Variants in MAPKAP1 observed in about 807,000 individuals in gnomAD.
The protein encoded by MAPKAP1 is MAPK associated protein 1, also known as target of rapamycin complex 2 subunit MAPKAP1.
MAPKAP1 carries 20 observed loss-of-function variants against 65.7 expected under a neutral mutation model. The observed-to-expected ratio is 0.30, with a 90% CI of 0.21 to 0.44. The LOEUF (loss-of-function observed/expected upper bound fraction) is 0.44, where lower values mean the gene tolerates loss of function less well. MAPKAP1 is among the 20% of genes least tolerant of loss of function. The pLI, the probability that MAPKAP1 is intolerant of heterozygous loss-of-function variation, is 1.00. For synonymous variants in MAPKAP1, 222 were observed against 244.3 expected, an observed-to-expected ratio of 0.91 and a Z score of 0.85; for missense variants, 423 against 648.0, an observed-to-expected ratio of 0.65 and a Z score of 3.77.
At chr9:125,612,630 A>C (rs1488901305) in intron 4 of MAPKAP1, among the ~76,000 whole-genome samples, 2 of 152,170 alleles carry the variant, frequency 1.3e-5, no homozygotes, top group Non-Finnish European at 2.9e-5. Context: ...CTTTATGTGA[A>C]TGAACTTATG....
At chr9:125,516,752 G>C (rs1829472875) in intron 7 of MAPKAP1, among the ~76,000 whole-genome samples, 2 of 152,200 alleles carry the variant, frequency 1.3e-5, no homozygotes. Context: ...GCGACTCTGG[G>C]CAAGTTAGTG....
chr9:125,537,076 C>T (rs1589266910), intron 7 of MAPKAP1, among the ~76,000 whole-genome samples: 2 of 152,242 alleles, frequency 1.3e-5, no homozygotes, highest in Admixed American at 1.3e-4. Context: ...AATTTGTTCT[C>T]CCATTAGGGT....
At chr9:125,693,721 G>GTATATACACACATATACACA (rs1835281504) in intron 1 of MAPKAP1, among the ~76,000 whole-genome samples, 2 of 58,920 alleles carry the variant, frequency 3.4e-5, no homozygotes, top group Admixed American at 1.7e-4. Context: ...ATATATACAC[G>GTATATACACACATATACACA]TATATACACA....
chr9:125,534,630 A>G (rs1830022593), intron 7 of MAPKAP1, among the ~76,000 whole-genome samples: 1 of 152,218 alleles, frequency 6.6e-6, no homozygotes, highest in Non-Finnish European at 1.5e-5. Context: ...ATTCATTTGT[A>G]CAATGCAGAT....
chr9:125,458,654 C>T (rs1589209823), intron 10 of MAPKAP1, among the ~76,000 whole-genome samples: 1 of 151,030 alleles, frequency 6.6e-6, no homozygotes. Context: ...ATTTCTCAAT[C>T]TTTTCCCCAC....
chr9:125,559,823 C>T lies in MAPKAP1; in HGVS notation c.672-14G>A. 6.2e-7 allele frequency: 1 copy of T among 1,600,602 alleles called. No individual in the cohort carries two copies. The highest frequency in any genetic ancestry group is 8.5e-7 in the Non-Finnish European group (1 of 1,172,238). On this transcript the variant is annotated splice_polypyrimidine_tract_variant and intron_variant, in intron 5 of 11. Coordinates refer to ENST00000265960, the MANE Select transcript of MAPKAP1 (RefSeq NM_001006617.3). ...CTGACATTGTCACTGAAAGGAAAACCAAAAAGGCGAGTGAATACCAAGGTA... is the reference window on the plus strand; with the variant it reads ...CTGACATTGTCACTGAAAGGAAAACTAAAAAGGCGAGTGAATACCAAGGTA...
intron 3 of MAPKAP1, among the ~76,000 whole-genome samples, chr9:125,663,066 A>T (rs1834234651): frequency 6.6e-6 from 1 of 152,160 alleles, no homozygotes; most frequent in Non-Finnish European, 1.5e-5. Flanking sequence ...TACAATAAAA[A>T]GTTTTTTTTT....
At chr9:125,704,859 A>G (rs1478795865) in intron 1 of MAPKAP1, among the ~76,000 whole-genome samples, 2 of 152,190 alleles carry the variant, frequency 1.3e-5, no homozygotes, top group Non-Finnish European at 1.5e-5. Flanking sequence ...CTTTATCCCC[A>G]TTAGTTCAAT....
chr9:125,511,580 C>T (rs1829302545), intron 7 of MAPKAP1, among the ~76,000 whole-genome samples: 1 of 152,148 alleles, frequency 6.6e-6, no homozygotes, highest in South Asian at 2.1e-4. Flanking sequence ...AGTACAGTCT[C>T]CATCAAATAC....
intron 5 of MAPKAP1, among the ~76,000 whole-genome samples, chr9:125,573,741 C>T (rs1001359912): frequency 2.0e-5 from 3 of 152,156 alleles, no homozygotes; most frequent in Non-Finnish European, 4.4e-5. Flanking sequence ...ATGCTTCCTC[C>T]AGCAATAAGG....
intron 10 of MAPKAP1, among the ~76,000 whole-genome samples, chr9:125,467,514 C>T (rs961678295): frequency 2.0e-5 from 3 of 152,176 alleles, no homozygotes; most frequent in Non-Finnish European, 4.4e-5. Context: ...CTGACACTTC[C>T]GGCATGATGG....
chr9:125,540,710 G>A (rs1830219108), intron 7 of MAPKAP1, among the ~76,000 whole-genome samples: 1 of 152,188 alleles, frequency 6.6e-6, no homozygotes, highest in South Asian at 2.1e-4. Context: ...CAGGATGACT[G>A]CCTCTAACCT....
intron 10 of MAPKAP1, among the ~76,000 whole-genome samples, chr9:125,462,035 A>C (rs1227464679): frequency 6.6e-6 from 1 of 152,248 alleles, no homozygotes; most frequent in Non-Finnish European, 1.5e-5. Flanking sequence ...CATCTCAAGA[A>C]TATGACAAAA....
rs1829366330 is a variant in MAPKAP1 at position 125,513,401 on chromosome 9, A to G, written c.959-6984T>C. Among the ~76,000 whole-genome samples the G allele has an allele frequency of 2.6e-5, 4 of 152,164 alleles. 1 individual carries two copies. Among genetic ancestry groups the G allele is most frequent in the Admixed American group, 2.6e-4 (4 of 15,280 alleles). ...TCTTCATGTCAACTGTTTTCCATTC[A>G]CCAATTTAAAGAGCTGCTTTAATCT... On this transcript the variant is annotated intron_variant, in intron 7 of 11. Coordinates refer to ENST00000265960, the MANE Select transcript of MAPKAP1 (RefSeq NM_001006617.3).
chr9:125,587,130 A>T (rs986077575), intron 4 of MAPKAP1, among the ~76,000 whole-genome samples: 35 of 152,368 alleles, frequency 2.3e-4, no homozygotes, highest in African/African-American at 7.9e-4. Context: ...AAAGATCTAG[A>T]TGTAAGAGGC....
At chr9:125,638,582 T>C (rs1258076920) in intron 4 of MAPKAP1, among the ~76,000 whole-genome samples, 2 of 152,210 alleles carry the variant, frequency 1.3e-5, no homozygotes, top group Non-Finnish European at 1.5e-5. Context: ...AGCAACATCC[T>C]TTCTCCCAGC....
intron 7 of MAPKAP1, among the ~76,000 whole-genome samples, chr9:125,517,626 A>G (rs1163455922): frequency 6.6e-6 from 1 of 152,232 alleles, no homozygotes; most frequent in Non-Finnish European, 1.5e-5. Flanking sequence ...AGAAAGTGCC[A>G]AGAGGAGGAA....
At chr9:125,487,967 T>C (rs1005977998) in intron 8 of MAPKAP1, among the ~76,000 whole-genome samples, 13 of 152,222 alleles carry the variant, frequency 8.5e-5, no homozygotes, top group African/African-American at 2.4e-4. Context: ...GAAATGTTAA[T>C]AATGGGCAGA....
At chr9:125,613,159 C>G (rs1832651448) in intron 4 of MAPKAP1, among the ~76,000 whole-genome samples, 1 of 152,196 alleles carries the variant, frequency 6.6e-6, no homozygotes, top group Non-Finnish European at 1.5e-5. Context: ...TATACTAACC[C>G]TCTTTGTATA....
Sources: gnomAD v4.1 joint callset for allele counts (sites outside exome capture counted in the v4.1 genomes callset) on GRCh38, gnomAD v4.1.1 for gene constraint, MANE v1.5 for transcripts, NCBI Gene and HGNC (gene_info 2026-07-23, HGNC 2026-07-21) for gene names.